Variants in ZFR2 observed in about 807,000 individuals in gnomAD.
The protein encoded by ZFR2 is zinc finger RNA-binding protein 2.
Under a neutral mutation model 105.7 loss-of-function variants are expected in ZFR2, and 104 were observed. The ratio of observed to expected loss-of-function variants is 0.98; its 90% confidence interval spans 0.84 to 1.16. The LOEUF (loss-of-function observed/expected upper bound fraction) is 1.16, where lower values mean the gene tolerates loss of function less well. Among genes scored for constraint, ZFR2 ranks in the 50% most tolerant of loss-of-function variants. The probability of loss-of-function intolerance (pLI) is 0.00; values close to 1 mark genes in which losing one functional copy is unlikely to be tolerated. For missense variants in ZFR2, 1,425 were observed against 1,355.5 expected (o/e 1.05, Z -0.80); for synonymous variants, 634 against 597.7 (o/e 1.06, Z -0.89).
At chr19:3,843,608 A>G (rs894754624) in intron 1 of ZFR2, among the ~76,000 whole-genome samples, 2 of 152,092 alleles carry the variant, frequency 1.3e-5, no homozygotes, top group African/African-American at 2.4e-5. Flanking sequence ...CGAGGCAGGC[A>G]GATCACGAGG....
In ZFR2 at chr19:3,816,669, C is replaced by A. The variant is rs763680885; in HGVS notation, c.2103+5G>T. On this transcript the variant is annotated splice_donor_5th_base_variant and intron_variant, in intron 13 of 18. Transcript: ENST00000262961. ...AAGCAGCGATGAGCAGGGCCCTGAC[C>A]TTACCTGGAGCTGCCGGGGCAGCTG... The A allele has an allele frequency of 6.2e-7, 1 of 1,606,192 alleles. No homozygotes were observed. The highest frequency in any genetic ancestry group is 1.7e-5 in the Admixed American group (1 of 59,830).
At position 3,867,733 on chromosome 19, in the gene ZFR2, G is replaced by T. The variant is rs549340056; in HGVS notation, c.53+1232C>A. 7.9e-5 allele frequency among the ~76,000 whole-genome samples: 12 copies of T among 152,024 alleles called. No homozygotes were observed. In the South Asian group the frequency reaches 2.5e-3, roughly 32 times the overall value. ...CAGGACCTCCTCCCACATAATACTG[G>T]CTTCCCGCCAAGTCTCTGTCCCCCT... On this transcript the variant is annotated intron_variant, in intron 1 of 18. Coordinates refer to ENST00000262961, the MANE Select transcript of ZFR2 (RefSeq NM_015174.2).
chr19:3,833,856 A>T, intron 2 of ZFR2, 78 bp from the exon 3 acceptor site: 1 of 1,095,624 alleles, frequency 9.1e-7, no homozygotes, highest in Non-Finnish European at 1.3e-6. Flanking sequence ...GCGCCCTGCC[A>T]CACTGCACTC....
At chr19:3,815,962 A>C (rs554298207) in intron 13 of ZFR2, among the ~76,000 whole-genome samples, 1 of 151,370 alleles carries the variant, frequency 6.6e-6, no homozygotes, top group East Asian at 2.0e-4. Flanking sequence ...TCACCGTGTT[A>C]GCCAGGATGG....
intron 5 of ZFR2, among the ~76,000 whole-genome samples, chr19:3,830,682 G>A (rs754560364): frequency 2.0e-5 from 3 of 152,002 alleles, no homozygotes; most frequent in East Asian, 1.9e-4. Flanking sequence ...GTCTCTCCGC[G>A]GTCCAGAGCT....
At chr19:3,807,620 C>T (rs560138397) in intron 17 of ZFR2, among the ~76,000 whole-genome samples, 9 of 151,380 alleles carry the variant, frequency 5.9e-5, no homozygotes, top group East Asian at 3.9e-4. Context: ...TGCTCATTGG[C>T]GTATGTGCAT....
chr19:3,867,659 A>G (rs2038448344), intron 1 of ZFR2, among the ~76,000 whole-genome samples: 1 of 151,988 alleles, frequency 6.6e-6, no homozygotes, highest in Admixed American at 6.6e-5. Flanking sequence ...CTGTCCCAGC[A>G]GGGTCCCAGT....
intron 1 of ZFR2, chr19:3,852,271 G>A (rs2038247200): frequency 5.0e-6 from 3 of 601,722 alleles, no homozygotes; most frequent in Non-Finnish European, 6.0e-6. Context: ...GGCTCAGCTG[G>A]GTGGCTCTCC....
chr19:3,868,842 G>T, intron 1 of ZFR2, 123 bp downstream of exon 1: 2 of 847,498 alleles, frequency 2.4e-6, no homozygotes, highest in African/African-American at 1.8e-5. Context: ...TCAGGCCGGG[G>T]TTCCAGGTTG....
At chr19:3,830,912 C>T (rs561205715) in intron 5 of ZFR2, among the ~76,000 whole-genome samples, 5 of 152,080 alleles carry the variant, frequency 3.3e-5, no homozygotes, top group East Asian at 1.9e-4. Context: ...CACACACGGG[C>T]GCATGCACAC....
chr19:3,811,180 G>A, intron 15 of ZFR2, 92 bp downstream of exon 15: 1 of 1,283,910 alleles, frequency 7.8e-7, no homozygotes, highest in Non-Finnish European at 1.0e-6. Flanking sequence ...AGCCCACGGG[G>A]CTGAGGCGGC....
chr19:3,851,008 C>A (rs2038232594), intron 1 of ZFR2, among the ~76,000 whole-genome samples: 3 of 151,726 alleles, frequency 2.0e-5, no homozygotes, highest in African/African-American at 7.3e-5. Context: ...AAGGAGAGAG[C>A]CCTCACCAGA....
At chr19:3,822,803 C>T (rs2037909618) in intron 8 of ZFR2, among the ~76,000 whole-genome samples, 2 of 152,200 alleles carry the variant, frequency 1.3e-5, no homozygotes, top group African/African-American at 4.8e-5. Flanking sequence ...GTCTGAACTG[C>T]CGCTGGCCTG....
chr19:3,813,037 G>T lies in ZFR2; in HGVS notation c.2242+783C>A. Among the ~76,000 whole-genome samples, 1 of 152,268 alleles carries T rather than the reference G, an allele frequency of 6.6e-6. No homozygotes were observed. The highest frequency in any genetic ancestry group is 1.9e-4 in the East Asian group (1 of 5,186). ...GGAAGTTGCAGTGAGCTGAGATTGC[G>T]CCATTGCACTCCAGCCTGGGCAACA... On this transcript the variant is annotated intron_variant, in intron 14 of 18. Transcript: ENST00000262961. This position sits in a 1 kb window ranked among gnomAD's most constrained non-coding sequence, Gnocchi z 4.4.
chr19:3,817,564 A>C (rs2037838444), intron 12 of ZFR2, among the ~76,000 whole-genome samples: 1 of 94,754 alleles, frequency 1.1e-5, no homozygotes. Context: ...ATCTCAAAAT[A>C]ATGATAATAA....
Position 3,852,654 on chromosome 19 carries a change from A to G in ZFR2, c.53+16311T>C, listed in dbSNP as rs185973160. On this transcript the variant is annotated intron_variant, in intron 1 of 18. Coordinates refer to ENST00000262961, the MANE Select transcript of ZFR2 (RefSeq NM_015174.2). ...AGGACATGGTGGGAAGGGCATGGAT[A>G]TAAGGGTGGATGAAGGATGAAGGCA... is the stretch of plus-strand genomic sequence containing the variant. 1.3e-4 allele frequency: 90 copies of G among 700,314 alleles called. No individual in the cohort carries two copies. The African/African-American group carries it at 1.6e-3, about 12-fold the overall frequency. 43.4% of individuals were successfully genotyped at this position (700,314 alleles called of 1,614,324 possible). A position where few individuals can be genotyped will look rare whatever the true frequency, so the allele number is the denominator to read the frequency against.
At chr19:3,849,459 G>A (rs1018984396) in intron 1 of ZFR2, among the ~76,000 whole-genome samples, 12 of 152,332 alleles carry the variant, frequency 7.9e-5, no homozygotes, top group Admixed American at 7.8e-4. Flanking sequence ...GTTCTCTGGG[G>A]TGGGGCCGTT....
chr19:3,855,306 A>G, intron 1 of ZFR2: 2 of 1,055,650 alleles, frequency 1.9e-6, no homozygotes, highest in Non-Finnish European at 2.4e-6. Context: ...GGCTAAGCTG[A>G]AAAAAAAAGT....
intron 10 of ZFR2, 50 bp downstream of exon 10, chr19:3,821,290 G>C: frequency 6.6e-7 from 1 of 1,507,940 alleles, no homozygotes; most frequent in Non-Finnish European, 8.8e-7. Context: ...TTCCACGCTG[G>C]ACCTGCCCTC....
Sources: gnomAD v4.1 joint callset for allele counts (sites outside exome capture counted in the v4.1 genomes callset) on GRCh38, gnomAD v4.1.1 for gene constraint, Gnocchi (gnomAD v3.1) non-coding constraint, MANE v1.5 for transcripts, NCBI Gene and HGNC (gene_info 2026-07-23, HGNC 2026-07-21) for gene names.